Variants in ZFAND6 observed in about 807,000 individuals in gnomAD.
ZFAND6 encodes zinc finger AN1-type containing 6, also known as AN1-type zinc finger protein 6.
In ZFAND6, 12 loss-of-function variants were observed where a neutral mutation model predicts 24.5. That is an observed-to-expected ratio of 0.49 (90% CI 0.31 to 0.79). ZFAND6 has a LOEUF of 0.79. Among genes scored for constraint, ZFAND6 ranks in the 30% least tolerant of loss-of-function variants. ZFAND6 has a pLI of 0.04. For missense variants in ZFAND6, 207 were observed against 245.9 expected, an observed-to-expected ratio of 0.84 and a Z score of 1.06; for synonymous variants, 92 against 81.5, an observed-to-expected ratio of 1.13 and a Z score of -0.69.
At chr15:80,063,275 A>G (rs1057440671) in intron 1 of ZFAND6, among the ~76,000 whole-genome samples, 16 of 152,256 alleles carry the variant, frequency 1.1e-4, no homozygotes, top group East Asian at 3.8e-4. Flanking sequence ...TATTATTTCA[A>G]CATGTAATCA....
intron 2 of ZFAND6, among the ~76,000 whole-genome samples, chr15:80,103,882 T>G (rs2039168193): frequency 6.6e-6 from 1 of 152,196 alleles, no homozygotes; most frequent in Non-Finnish European, 1.5e-5. Flanking sequence ...AGAGTCTTGC[T>G]CTGTCACCTA....
chr15:80,107,466 T>G (rs1384106541), intron 2 of ZFAND6, among the ~76,000 whole-genome samples: 3 of 152,204 alleles, frequency 2.0e-5, no homozygotes, highest in Admixed American at 1.3e-4. Flanking sequence ...TTACCCTTCA[T>G]TGCTTTTACA....
At chr15:80,066,605 G>A (rs930560313) in intron 1 of ZFAND6, among the ~76,000 whole-genome samples, 8 of 151,484 alleles carry the variant, frequency 5.3e-5, no homozygotes, top group African/African-American at 1.4e-4. Flanking sequence ...GAGCCACCAC[G>A]CCCAGCCGAA....
chr15:80,068,066 A>AT (rs2141802435), intron 1 of ZFAND6, among the ~76,000 whole-genome samples: 2 of 150,882 alleles, frequency 1.3e-5, no homozygotes, highest in East Asian at 3.9e-4. Flanking sequence ...GGTTCAAGTG[A>AT]TTCTCCTGCC....
chr15:80,118,284 G>A (rs533254201), intron 2 of ZFAND6, among the ~76,000 whole-genome samples: 8 of 151,348 alleles, frequency 5.3e-5, no homozygotes, highest in East Asian at 3.9e-4. Flanking sequence ...CGCCACACCC[G>A]GCTAGTTTTT....
chr15:80,068,259 C>T (rs1246819973), intron 1 of ZFAND6, among the ~76,000 whole-genome samples: 2 of 151,676 alleles, frequency 1.3e-5, no homozygotes, highest in Admixed American at 1.3e-4. Context: ...GGGATCCTCC[C>T]ACCTCAGCCT....
intron 1 of ZFAND6, among the ~76,000 whole-genome samples, chr15:80,068,046 C>G (rs1401691069): frequency 6.6e-6 from 1 of 151,622 alleles, no homozygotes; most frequent in African/African-American, 2.4e-5. Context: ...ACTGCAACCT[C>G]TGCCTCCTGG....
intron 5 of ZFAND6, among the ~76,000 whole-genome samples, chr15:80,127,432 A>T (rs145567220): frequency 6.6e-6 from 1 of 151,944 alleles, no homozygotes; most frequent in African/African-American, 2.4e-5. Context: ...TACTAAAAAT[A>T]TGAAACTTAG....
At chr15:80,127,638 T>C (rs565412376) in intron 5 of ZFAND6, among the ~76,000 whole-genome samples, 3 of 145,882 alleles carry the variant, frequency 2.1e-5, no homozygotes, top group African/African-American at 7.7e-5. Context: ...TCATTAGATA[T>C]GAGGGAAATG....
chr15:80,127,187 A>T (rs1213639354), intron 5 of ZFAND6, among the ~76,000 whole-genome samples: 2 of 152,182 alleles, frequency 1.3e-5, no homozygotes, highest in Non-Finnish European at 2.9e-5. Flanking sequence ...AAGGATATAT[A>T]AATAATTACA....
intron 1 of ZFAND6, among the ~76,000 whole-genome samples, chr15:80,066,699 C>T (rs1399231524): frequency 6.6e-6 from 1 of 151,944 alleles, no homozygotes; most frequent in Non-Finnish European, 1.5e-5. Context: ...GAGTTCAAGA[C>T]CAGCCTGGCC....
chr15:80,069,918 A>AT (rs1351038350), intron 1 of ZFAND6, among the ~76,000 whole-genome samples: 1 of 151,752 alleles, frequency 6.6e-6, no homozygotes, highest in Admixed American at 6.6e-5. Flanking sequence ...ATATTTTTTT[A>AT]TTTTTTATTC....
intron 6 of ZFAND6, among the ~76,000 whole-genome samples, chr15:80,132,201 A>G (rs2142055127): frequency 6.6e-6 from 1 of 152,288 alleles, no homozygotes; most frequent in East Asian, 1.9e-4. Flanking sequence ...ACATTGGAAA[A>G]TTTTTTGGAG....
At chr15:80,117,412 C>T (rs1036828720) in intron 2 of ZFAND6, among the ~76,000 whole-genome samples, 11 of 152,066 alleles carry the variant, frequency 7.2e-5, no homozygotes, top group East Asian at 1.9e-4. Flanking sequence ...TTAGTAGAGA[C>T]GGGGTTTCAA....
intron 1 of ZFAND6, among the ~76,000 whole-genome samples, chr15:80,078,968 A>G (rs2037461468): frequency 6.6e-6 from 1 of 151,826 alleles, no homozygotes; most frequent in African/African-American, 2.4e-5. Context: ...TACATGTGCC[A>G]TGCTGGTGTG....
At chr15:80,124,890 T>A (rs987436794) in intron 5 of ZFAND6, among the ~76,000 whole-genome samples, 1 of 152,072 alleles carries the variant, frequency 6.6e-6, no homozygotes, top group Non-Finnish European at 1.5e-5. Flanking sequence ...ACCTAGTTTT[T>A]AAAAAAAATT....
chr15:80,062,997 T>A (rs1318798068), intron 1 of ZFAND6, among the ~76,000 whole-genome samples: 1 of 152,224 alleles, frequency 6.6e-6, no homozygotes. Flanking sequence ...TTGCTTCAAC[T>A]TTTCTACTCT....
intron 2 of ZFAND6, among the ~76,000 whole-genome samples, chr15:80,113,052 G>A (rs929577923): frequency 2.7e-5 from 4 of 146,906 alleles, no homozygotes; most frequent in Non-Finnish European, 6.1e-5. Flanking sequence ...GTGTTGCGGT[G>A]TCGTACTAGT....
At chr15:80,101,279 A>T (rs565506671) in intron 2 of ZFAND6, among the ~76,000 whole-genome samples, 1 of 152,136 alleles carries the variant, frequency 6.6e-6, no homozygotes, top group African/African-American at 2.4e-5. Flanking sequence ...TGGCCAACAT[A>T]ATGAAACCTC....
Sources: gnomAD v4.1 joint callset for allele counts (sites outside exome capture counted in the v4.1 genomes callset) on GRCh38, gnomAD v4.1.1 for gene constraint, MANE v1.5 for transcripts, NCBI Gene and HGNC (gene_info 2026-07-23, HGNC 2026-07-21) for gene names.